Variants in ASPH observed in about 807,000 individuals in gnomAD.
The protein encoded by ASPH is aspartyl/asparaginyl beta-hydroxylase.
Under a neutral mutation model 118.4 loss-of-function variants are expected in ASPH, and 100 were observed. The ratio of observed to expected loss-of-function variants is 0.84; its 90% CI spans 0.72 to 1.00. The LOEUF is 1.00. Among genes scored for constraint, ASPH ranks in the 50% least tolerant of loss-of-function variants. The pLI, the probability that ASPH is intolerant of heterozygous loss-of-function variation, is 0.00. For synonymous variants in ASPH, 315 were observed against 325.6 expected (o/e 0.97, Z 0.35); for missense variants, 920 against 919.5 (o/e 1.00, Z -0.01).
At chr8:61,619,381 T>C (rs1850115074) in intron 13 of ASPH, among the ~76,000 whole-genome samples, 1 of 152,180 alleles carries the variant, frequency 6.6e-6, no homozygotes, top group Non-Finnish European at 1.5e-5. Context: ...TTGTTCAATA[T>C]TGTTATTGTC....
intron 12 of ASPH, among the ~76,000 whole-genome samples, chr8:61,635,629 T>C (rs1314710945): frequency 6.6e-6 from 1 of 152,110 alleles, no homozygotes. Context: ...ATTCTAATAA[T>C]AGTTTTCTTC....
At chr8:61,643,492 G>T in intron 8 of ASPH, 59 bp from the exon 9 acceptor site, 1 of 1,470,338 alleles carries the variant, frequency 6.8e-7, no homozygotes, top group East Asian at 2.3e-5. Context: ...TTGCCAGACA[G>T]CATTCTAGGA....
intron 13 of ASPH, chr8:61,628,323 C>CAT (rs1222539731): frequency 5.6e-6 from 1 of 178,002 alleles, no homozygotes; most frequent in African/African-American, 5.7e-5. Flanking sequence ...CCAAGCCCGG[C>CAT]TTTTTTTTTT....
intron 1 of ASPH, 102 bp from the exon 2 acceptor site, chr8:61,684,290 A>G: frequency 8.2e-7 from 1 of 1,213,154 alleles, no homozygotes; most frequent in East Asian, 2.5e-5. Context: ...GTACAATGAT[A>G]GATCATTTCA....
intron 1 of ASPH, among the ~76,000 whole-genome samples, chr8:61,685,923 C>A (rs1276603534): frequency 6.6e-6 from 1 of 152,046 alleles, no homozygotes; most frequent in African/African-American, 2.4e-5. Context: ...CACCTGCCAC[C>A]ACGCCTGGCT....
Position 61,646,853 on chromosome 8 carries a change from T to G in ASPH, c.516A>C (p.Glu172Asp). Reference protein sequence around the residue: ...EHVEGEDLQQEDGPTGEPQQE... With the variant: ...EHVEGEDLQQDDGPTGEPQQE... ...GTTGTGGTTCTCCTGTGGGTCCATC[T>G]TCTTGTTGCAAGTCTTCTCCCTCAA... The change falls in exon 6 of 25, where the codon GAA becomes GAC. Residue 172 changes from glutamate to aspartate, a missense_variant. Physicochemically the swap from Glu to Asp is conservative, Grantham distance 45. Coordinates refer to ENST00000379454, the MANE Select transcript of ASPH (RefSeq NM_004318.4). The G allele has an allele frequency of 6.2e-7, 1 of 1,614,006 alleles. No individual in the cohort carries two copies.
chr8:61,686,447 G>T (rs751376560), intron 1 of ASPH, among the ~76,000 whole-genome samples: 11 of 152,092 alleles, frequency 7.2e-5, no homozygotes, highest in Non-Finnish European at 1.2e-4. Flanking sequence ...AAGAAAAAAA[G>T]ATTTACGAAA....
intron 3 of ASPH, among the ~76,000 whole-genome samples, chr8:61,679,911 T>A (rs1270747692): frequency 7.6e-6 from 1 of 131,918 alleles, no homozygotes; most frequent in African/African-American, 2.9e-5. Flanking sequence ...TAAGTTTCAA[T>A]GCACAAACAC....
At chr8:61,701,281 G>T (rs1835180222) in intron 1 of ASPH, among the ~76,000 whole-genome samples, 1 of 152,198 alleles carries the variant, frequency 6.6e-6, no homozygotes, top group Non-Finnish European at 1.5e-5. Flanking sequence ...GAGCAGGAAG[G>T]TGTTGAACAT....
At chr8:61,564,732 T>C (rs1271972154) in intron 17 of ASPH, among the ~76,000 whole-genome samples, 9 of 152,258 alleles carry the variant, frequency 5.9e-5, no homozygotes, top group Non-Finnish European at 1.5e-5. Flanking sequence ...TTAGTCTAAC[T>C]GACCATTTCT....
At chr8:61,657,002 C>T (rs1481489154) in intron 3 of ASPH, 3 of 152,152 alleles carry the variant, frequency 2.0e-5, no homozygotes, top group Non-Finnish European at 4.4e-5. Flanking sequence ...CATTATTCTA[C>T]AGTAAATGAA....
At chr8:61,529,760 T>C (rs948103847) in intron 21 of ASPH, among the ~76,000 whole-genome samples, 4 of 152,192 alleles carry the variant, frequency 2.6e-5, no homozygotes, top group African/African-American at 9.6e-5. Flanking sequence ...AAACTCAAGA[T>C]GTAGGCAGAT....
At chr8:61,520,625 A>ATT (rs1812602421) in intron 22 of ASPH, among the ~76,000 whole-genome samples, 1 of 152,226 alleles carries the variant, frequency 6.6e-6, no homozygotes, top group South Asian at 2.1e-4. Context: ...TTGGGTGAAT[A>ATT]TTACATAAAC....
chr8:61,660,966 T>C (rs1816592759), intron 3 of ASPH: 1 of 152,198 alleles, frequency 6.6e-6, no homozygotes, highest in African/African-American at 2.4e-5. Flanking sequence ...TTAGGCTGGT[T>C]ATTAGGCTTC....
At chr8:61,619,507 T>G (rs1564032847) in intron 13 of ASPH, among the ~76,000 whole-genome samples, 3 of 152,208 alleles carry the variant, frequency 2.0e-5, no homozygotes, top group Non-Finnish European at 2.9e-5. Context: ...TATACACAGA[T>G]GATCCATTGG....
chr8:61,665,972 C>CA (rs1819371013), intron 3 of ASPH, among the ~76,000 whole-genome samples: 1 of 152,054 alleles, frequency 6.6e-6, no homozygotes, highest in Non-Finnish European at 1.5e-5. Context: ...AACGTAAGAA[C>CA]AAATTTTTCA....
At chr8:61,575,592 G>A (rs1390884565) in intron 16 of ASPH, among the ~76,000 whole-genome samples, 1 of 152,080 alleles carries the variant, frequency 6.6e-6, no homozygotes, top group Non-Finnish European at 1.5e-5. Flanking sequence ...CACACAGTGG[G>A]CTTTCACCAA....
In ASPH at chr8:61,603,018, C is replaced by A. The variant is rs559724993; in HGVS notation, c.976+15960G>T. Among the ~76,000 whole-genome samples the A allele has an allele frequency of 5.3e-5, 8 of 151,610 alleles. No homozygotes were observed. In the South Asian group the frequency reaches 1.7e-3, roughly 32 times the overall value. ...GACCAGTCTGGCCAACATGGTGAAA[C>A]CCCATTTCTACTAAAAATGCAAAAA... On this transcript the variant is annotated intron_variant, in intron 14 of 24. Coordinates refer to ENST00000379454, the MANE Select transcript of ASPH (RefSeq NM_004318.4).
At chr8:61,540,830 T>C (rs978956420) in intron 21 of ASPH, among the ~76,000 whole-genome samples, 2 of 152,198 alleles carry the variant, frequency 1.3e-5, no homozygotes, top group Non-Finnish European at 2.9e-5. Context: ...CAGTGGTTCA[T>C]GCCTGTAATC....
Sources: allele counts gnomAD v4.1 joint callset (sites outside exome capture counted in the v4.1 genomes callset), GRCh38; gene constraint gnomAD v4.1.1; transcripts MANE v1.5; gene names NCBI Gene and HGNC (gene_info 2026-07-23, HGNC 2026-07-21).